The following WWC1 variants were observed in gnomAD, a reference collection of about 807,000 sequenced individuals.
WWC1 encodes the protein WW and C2 domain containing 1, also known as protein KIBRA.
WWC1 carries 55 observed loss-of-function variants against 138.4 expected under a neutral mutation model. The ratio of observed to expected loss-of-function variants is 0.40; its 90% CI spans 0.32 to 0.50. The LOEUF (loss-of-function observed/expected upper bound fraction) is 0.50, where lower values mean the gene tolerates loss of function less well. Among genes scored for constraint, WWC1 ranks in the 20% least tolerant of loss-of-function variants. WWC1 has a pLI of 0.72. For synonymous variants in WWC1, 524 were observed against 564.9 expected (o/e 0.93, Z 1.03); for missense variants, 1,226 against 1,420.4 (o/e 0.86, Z 2.20).
chr5:168,428,156 G>A lies in WWC1; in HGVS notation c.1919+15G>A, dbSNP rs762713887. 2 of 1,608,472 alleles carry A rather than the reference G, an allele frequency of 1.2e-6. No homozygotes were observed. The highest frequency in any genetic ancestry group is 2.2e-5 in the East Asian group (1 of 44,756). Reference sequence around the variant, plus strand: ...TCCGTGCAGAGGTAGGTGTCTGGGTGCTGGCTCTCTCTGTGGCCCTGTAAG... The same window carrying A: ...TCCGTGCAGAGGTAGGTGTCTGGGTACTGGCTCTCTCTGTGGCCCTGTAAG... On this transcript the variant is annotated intron_variant, in intron 12 of 22. Coordinates refer to ENST00000265293, the MANE Select transcript of WWC1 (RefSeq NM_015238.3).
chr5:168,382,250 G>T (rs993711813), intron 2 of WWC1, among the ~76,000 whole-genome samples: 2 of 152,156 alleles, frequency 1.3e-5, no homozygotes, highest in Non-Finnish European at 2.9e-5. Flanking sequence ...AATATAAATG[G>T]CATGGTCCAT....
At position 168,409,911 on chromosome 5, in the gene WWC1, T is replaced by G; in HGVS notation, c.868-11T>G. ...AGCCACATAATTCCTGACTTTGTTC[T>G]TCTCCTCCAGTTCGGCATCAACAGC... On this transcript the variant is annotated splice_polypyrimidine_tract_variant and intron_variant, in intron 7 of 22. Transcript: ENST00000265293. 2 of 1,613,932 alleles carry G rather than the reference T, an allele frequency of 1.2e-6. No individual in the cohort carries two copies. Among genetic ancestry groups the G allele is most frequent in the African/African-American group, 2.7e-5 (2 of 75,022 alleles).
Position 168,455,345 on chromosome 5 carries a change from T to C in WWC1, c.2659-11T>C, listed in dbSNP as rs1756211953. ...GACACTGGTGGCTTCAAGGTGTGACTTCTTCCTCAGGTGGACAAAGAGACC... is the reference window on the plus strand; with the variant it reads ...GACACTGGTGGCTTCAAGGTGTGACCTCTTCCTCAGGTGGACAAAGAGACC... On this transcript the variant is annotated splice_polypyrimidine_tract_variant and intron_variant, in intron 18 of 22. Transcript: ENST00000265293. 6.4e-7 allele frequency: 1 copy of C among 1,560,854 alleles called. No homozygotes were observed. The highest frequency in any genetic ancestry group is 8.6e-7 in the Non-Finnish European group (1 of 1,157,628).
intron 9 of WWC1, chr5:168,414,822 G>T (rs1417168702): frequency 3.4e-6 from 2 of 580,450 alleles, no homozygotes; most frequent in Non-Finnish European, 5.8e-6. Flanking sequence ...CAAAAAGTCT[G>T]CTTAGGTGCA....
intron 1 of WWC1, among the ~76,000 whole-genome samples, chr5:168,305,322 TCCA>T (rs1770457334): frequency 6.6e-6 from 1 of 152,112 alleles, no homozygotes; most frequent in Non-Finnish European, 1.5e-5. Flanking sequence ...ACTCTGAACC[TCCA>T]CACTCCCTTC....
intron 19 of WWC1, among the ~76,000 whole-genome samples, chr5:168,460,147 A>G (rs374715707): frequency 1.8e-4 from 27 of 152,282 alleles, no homozygotes; most frequent in East Asian, 9.6e-4. Context: ...TTAAATATCC[A>G]TCTTGACAGT....
chr5:168,395,910 G>A (rs1171918021), intron 3 of WWC1, among the ~76,000 whole-genome samples: 3 of 152,168 alleles, frequency 2.0e-5, no homozygotes, highest in African/African-American at 7.2e-5. Context: ...AATGCCTTAT[G>A]CATAACCAAA....
At chr5:168,410,245 C>T (rs1057229378) in intron 8 of WWC1, 1 of 429,414 alleles carries the variant, frequency 2.3e-6, no homozygotes, top group South Asian at 4.0e-5. Flanking sequence ...ACCTCAAAGC[C>T]GAGTTATCTT....
chr5:168,465,548 CTTTTTTTTTTTTTTTT>C (rs10527141), intron 21 of WWC1, among the ~76,000 whole-genome samples: 3 of 46,932 alleles, frequency 6.4e-5, no homozygotes, highest in East Asian at 1.5e-3. Context: ...ATCAGCTGGG[CTTTTTTTTTTTTTTTT>C]TTTTTTTTTT....
intron 8 of WWC1, 59 bp from the exon 9 acceptor site, chr5:168,414,289 T>TC: frequency 2.5e-6 from 4 of 1,579,722 alleles, no homozygotes; most frequent in Non-Finnish European, 3.4e-6. Context: ...CTTCATGGCA[T>TC]CTCCTGTTCC....
In WWC1 at chr5:168,410,282, A is replaced by G. The variant is rs1345084748; in HGVS notation, c.941+287A>G. 7.8e-6 allele frequency: 3 copies of G among 382,242 alleles called. No homozygotes were observed. In the East Asian group the frequency reaches 1.4e-4, roughly 18 times the overall value. 23.7% of individuals were successfully genotyped at this position (382,242 alleles called of 1,614,324 possible). Reference sequence around the variant, plus strand: ...CCACTTGCCTGTCTTGATTTCTGCAACCGAGGCTTTCCCATGATCCTGTAA... The same window carrying G: ...CCACTTGCCTGTCTTGATTTCTGCAGCCGAGGCTTTCCCATGATCCTGTAA... On this transcript the variant is annotated intron_variant, in intron 8 of 22. Transcript: ENST00000265293.
intron 1 of WWC1, among the ~76,000 whole-genome samples, chr5:168,339,877 C>CTCTCTCCCTCTCTCTCTG (rs1581967799): frequency 7.5e-6 from 1 of 132,862 alleles, no homozygotes; most frequent in East Asian, 2.1e-4. Context: ...CTCTCTCTCC[C>CTCTCTCCCTCTCTCTCTG]TCTCTCCCTC....
rs78544296 is a variant in WWC1, at chr5:168,406,286, G to A, written c.679G>A (p.Ala227Thr). Residue 227 changes from alanine (A) to threonine (T), a missense_variant, in exon 6 of 23, where the codon GCT (alanine) becomes ACT (threonine). This residue lies in a region of WWC1 where 1,016 missense variants were observed against 1,153.9 expected (regional missense o/e 0.88). Transcript: ENST00000265293. ...VLRETKAIKK[A>T]ITCGEKEKQD... The stretch of plus-strand genomic sequence containing the variant: ...GAGAGAAACAAAAGCCATCAAAAAG[G>A]CTATTACCTGTGGGGAAAAGGAAAA... The A allele has an allele frequency of 2.5e-6, 4 of 1,613,924 alleles. No homozygotes were observed. Among genetic ancestry groups the A allele is most frequent in the Non-Finnish European group, 3.4e-6 (4 of 1,179,956 alleles).
At chr5:168,363,693 G>A (rs1349721378) in intron 1 of WWC1, among the ~76,000 whole-genome samples, 2 of 152,108 alleles carry the variant, frequency 1.3e-5, no homozygotes, top group Non-Finnish European at 2.9e-5. Flanking sequence ...CATCCTAACA[G>A]CCAATGTAGA....
intron 17 of WWC1, among the ~76,000 whole-genome samples, chr5:168,447,200 A>G (rs761346673): frequency 2.0e-5 from 3 of 152,230 alleles, no homozygotes; most frequent in Non-Finnish European, 2.9e-5. Context: ...AGCACTTAAC[A>G]CAGACCCTGA....
At chr5:168,415,828 GTGTGTGTGT>G in intron 9 of WWC1, 1 of 118,930 alleles carries the variant, frequency 8.4e-6, no homozygotes, top group Middle Eastern at 4.8e-3. Context: ...GTGTGTGTGT[GTGTGTGTGT>G]GTGTGTGTGT....
In WWC1 at chr5:168,433,882, G is replaced by A. The variant is rs550212179; in HGVS notation, c.2280+2438G>A. Reference sequence around the variant, plus strand: ...ACTCCAACCTTGCAAAATAGGTAGCGTATTCCAGTGGAGAAACTGAGGCAC... The same window carrying A: ...ACTCCAACCTTGCAAAATAGGTAGCATATTCCAGTGGAGAAACTGAGGCAC... On this transcript the variant is annotated intron_variant, in intron 15 of 22. Transcript: ENST00000265293. Among the ~76,000 whole-genome samples, 142 of 152,312 alleles carry A rather than the reference G, an allele frequency of 9.3e-4. 1 individual carries two copies. The highest frequency in any genetic ancestry group is 2.6e-3 in the African/African-American group (109 of 41,568).
At chr5:168,446,495 A>G (rs902993111) in intron 17 of WWC1, among the ~76,000 whole-genome samples, 2 of 152,228 alleles carry the variant, frequency 1.3e-5, no homozygotes, top group African/African-American at 4.8e-5. Context: ...CCTTAGGCAA[A>G]GTATTTTTTA....
Position 168,423,911 on chromosome 5 carries a change from G to A in WWC1, c.1653G>A (p.Met551Ile). The A allele has an allele frequency of 6.2e-7, 1 of 1,613,990 alleles. No individual in the cohort carries two copies. Residue 551 changes from methionine (M) to isoleucine (I), a missense_variant, in exon 11 of 23, where the codon ATG becomes ATA. Coordinates refer to ENST00000265293, the MANE Select transcript of WWC1 (RefSeq NM_015238.3). Reference protein sequence around the residue: ...SSPSPPCSPLMADPLLAGDAF... With the variant: ...SSPSPPCSPLIADPLLAGDAF... ...CCTCCCCACCCTGTTCCCCTCTCAT[G>A]GCTGACCCCCTCCTGGCTGGTGATG...
Sources: gnomAD v4.1 joint callset for allele counts (sites outside exome capture counted in the v4.1 genomes callset) on GRCh38, gnomAD v4.1.1 for gene constraint, gnomAD v4.1.1 regional missense constraint, MANE v1.5 for transcripts, NCBI Gene and HGNC (gene_info 2026-07-23, HGNC 2026-07-21) for gene names.